TENM2: variants seen among roughly 807,000 people sequenced by gnomAD.
The protein encoded by TENM2 is teneurin-2.
Under a neutral mutation model 245.2 loss-of-function variants are expected in TENM2, and 52 were observed. The observed-to-expected ratio is 0.21, with a 90% CI of 0.17 to 0.27. The LOEUF is 0.27. TENM2 is among the 10% of genes least tolerant of loss of function. TENM2 has a pLI of 1.00. For missense variants in TENM2, 3,046 were observed against 3,666.8 expected (o/e 0.83, Z 4.37); for synonymous variants, 1,363 against 1,438.9 (o/e 0.95, Z 1.19).
chr5:167,973,257 A>G (rs559302597), intron 4 of TENM2, among the ~76,000 whole-genome samples: 1 of 152,346 alleles, frequency 6.6e-6, no homozygotes, highest in African/African-American at 2.4e-5. Context: ...CTCTGTCAGT[A>G]AGAGGCCCTC....
chr5:167,435,975 C>CTT (rs71591181), intron 2 of TENM2, among the ~76,000 whole-genome samples: 33 of 83,150 alleles, frequency 4.0e-4, no homozygotes, highest in East Asian at 9.6e-4. Flanking sequence ...CTTTTTTTTT[C>CTT]TTTTTTTTTT....
the TENM2 span, among the ~76,000 whole-genome samples, chr5:167,098,483 G>A: frequency 3.3e-5 from 5 of 152,066 alleles, no homozygotes; most frequent in African/African-American, 9.7e-5. Context: ...ACAGTGTGTC[G>A]GCTCACTTCT....
intron 4 of TENM2, among the ~76,000 whole-genome samples, chr5:167,984,269 A>G (rs1175064017): frequency 6.6e-6 from 1 of 152,236 alleles, no homozygotes; most frequent in Non-Finnish European, 1.5e-5. Context: ...CAATGAGGAA[A>G]TGTTTCTATG....
At chr5:167,889,416 C>G (rs1774558112) in intron 3 of TENM2, among the ~76,000 whole-genome samples, 2 of 152,210 alleles carry the variant, frequency 1.3e-5, no homozygotes, top group South Asian at 4.1e-4. Context: ...GCATTTCAAT[C>G]TGTTCCATCT....
At chr5:168,158,829 G>GTGTGTGTATA (rs1397260649) in intron 12 of TENM2, among the ~76,000 whole-genome samples, 2 of 63,718 alleles carry the variant, frequency 3.1e-5, no homozygotes, top group African/African-American at 1.2e-4. Context: ...GTGTGTGTGT[G>GTGTGTGTATA]TATATATATA....
chr5:167,464,787 T>C (rs1003215267), intron 2 of TENM2, among the ~76,000 whole-genome samples: 1 of 152,204 alleles, frequency 6.6e-6, no homozygotes, highest in Non-Finnish European at 1.5e-5. Context: ...TTGGATATTG[T>C]TTCAGCTTTC....
At chr5:167,131,588 A>G in the TENM2 span, among the ~76,000 whole-genome samples, 2 of 152,164 alleles carry the variant, frequency 1.3e-5, no homozygotes, top group Non-Finnish European at 1.5e-5. Context: ...AATGGACACT[A>G]CAGAGCTAGC....
chr5:167,334,782 A>G (rs1370323684), intron 1 of TENM2, among the ~76,000 whole-genome samples: 1 of 152,218 alleles, frequency 6.6e-6, no homozygotes, highest in Non-Finnish European at 1.5e-5. Context: ...AAAGGATACC[A>G]AATTGAAGCT....
the TENM2 span, among the ~76,000 whole-genome samples, chr5:167,076,921 A>G: frequency 1.3e-5 from 2 of 152,202 alleles, no homozygotes; most frequent in East Asian, 1.9e-4. Flanking sequence ...GCTCACTGCA[A>G]CCTTCATTTC....
At chr5:167,686,702 A>G (rs1488283054) in intron 2 of TENM2, among the ~76,000 whole-genome samples, 1 of 152,024 alleles carries the variant, frequency 6.6e-6, no homozygotes, top group African/African-American at 2.4e-5. Context: ...GATTTGAAAA[A>G]CCAAAAAGGA....
In TENM2 at chr5:168,247,578, C is replaced by T. The variant is rs373823487; in HGVS notation, c.6639C>T (p.Ser2213=). ...ACGATGGGGACGGGCAGCTCCAGAG[C>T]GTGGCCGTCAATGACCGCCCGACCT... The change falls in exon 27 of 29, where the codon AGC becomes AGT. Residue 2213 remains serine (S), a synonymous_variant. Coordinates refer to ENST00000518659, the Ensembl canonical transcript of TENM2. This position sits in a 1 kb window ranked among gnomAD's most constrained non-coding sequence, Gnocchi z 7.8. 274 of 1,612,926 alleles carry T rather than the reference C, an allele frequency of 1.7e-4. 3 individuals are homozygous for T. The South Asian group carries it at 2.5e-3, about 15-fold the overall frequency.
At chr5:167,771,118 G>A (rs1386386146) in intron 2 of TENM2, among the ~76,000 whole-genome samples, 1 of 151,936 alleles carries the variant, frequency 6.6e-6, no homozygotes, top group African/African-American at 2.4e-5. Context: ...ACATTATAAG[G>A]CTACTTCAAT....
intron 2 of TENM2, among the ~76,000 whole-genome samples, chr5:167,705,384 C>T (rs1377457977): frequency 6.6e-6 from 1 of 152,128 alleles, no homozygotes; most frequent in Non-Finnish European, 1.5e-5. Context: ...TTGATAGAAA[C>T]CTGAGTGTGC....
the TENM2 span, among the ~76,000 whole-genome samples, chr5:167,160,242 C>T: frequency 6.6e-6 from 1 of 152,240 alleles, no homozygotes; most frequent in Admixed American, 6.5e-5. Context: ...TAACCTGAAT[C>T]AGATAACGCC....
intron 2 of TENM2, among the ~76,000 whole-genome samples, chr5:167,463,088 TA>T (rs1766425514): frequency 6.6e-6 from 1 of 152,156 alleles, no homozygotes; most frequent in Non-Finnish European, 1.5e-5. Context: ...TAAGTAGAGA[TA>T]AAAATGTAAA....
intron 2 of TENM2, among the ~76,000 whole-genome samples, chr5:167,736,776 G>A (rs1760831406): frequency 6.6e-6 from 1 of 152,050 alleles, no homozygotes; most frequent in Admixed American, 6.6e-5. Flanking sequence ...AGGTGAGGGA[G>A]CCCCGGTGGG....
chr5:167,317,829 T>A (rs370411584), intron 1 of TENM2, among the ~76,000 whole-genome samples: 40 of 152,172 alleles, frequency 2.6e-4, no homozygotes, highest in African/African-American at 9.4e-4. Flanking sequence ...TGTCTGAGGG[T>A]TCAGGTTGAT....
intron 8 of TENM2, among the ~76,000 whole-genome samples, chr5:168,095,437 T>G (rs1387182716): frequency 6.6e-6 from 1 of 152,214 alleles, no homozygotes; most frequent in Non-Finnish European, 1.5e-5. Context: ...GCTTGCTGGT[T>G]TCAGCTTATC....
intron 1 of TENM2, among the ~76,000 whole-genome samples, chr5:167,327,567 G>A (rs1306061392): frequency 6.6e-6 from 1 of 152,068 alleles, no homozygotes; most frequent in Non-Finnish European, 1.5e-5. Context: ...AGAAAAACAG[G>A]GATTAACATG....
Sources: gnomAD v4.1 joint callset for allele counts (sites outside exome capture counted in the v4.1 genomes callset) on GRCh38, gnomAD v4.1.1 for gene constraint, Gnocchi (gnomAD v3.1) non-coding constraint, MANE v1.5 for transcripts, NCBI Gene and HGNC (gene_info 2026-07-23, HGNC 2026-07-21) for gene names.